The following ADAMTS5 variants were observed in gnomAD, a reference collection of about 807,000 sequenced individuals.
The protein encoded by ADAMTS5 is ADAM metallopeptidase with thrombospondin type 1 motif 5.
In ADAMTS5, 54 loss-of-function variants were observed where a neutral mutation model predicts 81.4. The ratio of observed to expected loss-of-function variants is 0.66; its 90% CI spans 0.53 to 0.83. The LOEUF (loss-of-function observed/expected upper bound fraction) is 0.83. ADAMTS5 is among the 40% of genes least tolerant of loss of function. ADAMTS5 has a pLI of 0.00. For missense variants in ADAMTS5, 1,194 were observed against 1,229.9 expected, an observed-to-expected ratio of 0.97 and a Z score of 0.44; for synonymous variants, 532 against 508.8, an observed-to-expected ratio of 1.05 and a Z score of -0.61.
chr21:26,965,267 C>G (rs1987615556), intron 1 of ADAMTS5, 21 bp downstream of exon 1: 1 of 1,592,504 alleles, frequency 6.3e-7, no homozygotes, highest in Admixed American at 1.7e-5. Flanking sequence ...GCTGGGACCC[C>G]CGCATCCCGG....
Position 26,966,266 on chromosome 21 carries a change from C to T in ADAMTS5, c.126G>A (p.Gln42=). The change falls in exon 1 of 8, where the codon CAG becomes CAA. Residue 42 remains glutamine, a synonymous_variant. Coordinates refer to ENST00000284987, the MANE Select transcript of ADAMTS5 (RefSeq NM_007038.5). ...CCTCCTCCCCCTGCCGCCGGCGGGG[C>T]TGGGCGGCTGCTGCAGCAGTCGGAG... ...GQPPTAAAAA[Q]PRRRQGEEVQ... The T allele has an allele frequency of 6.3e-7, 1 of 1,577,356 alleles. No individual in the cohort carries two copies. Among genetic ancestry groups the T allele is most frequent in the Non-Finnish European group, 8.6e-7 (1 of 1,165,394 alleles).
intron 1 of ADAMTS5, among the ~76,000 whole-genome samples, chr21:26,963,250 T>C (rs1472114221): frequency 6.6e-6 from 1 of 151,970 alleles, no homozygotes; most frequent in Non-Finnish European, 1.5e-5. Context: ...CTATTTAAAA[T>C]ATGCTGTTAA....
chr21:26,933,059 A>G lies in ADAMTS5; in HGVS notation c.1690-15T>C, dbSNP rs2123174202. 1.9e-6 allele frequency: 3 copies of G among 1,599,940 alleles called. No individual in the cohort carries two copies. Among genetic ancestry groups the G allele is most frequent in the African/African-American group, 1.3e-5 (1 of 74,242 alleles). On this transcript the variant is annotated splice_polypyrimidine_tract_variant and intron_variant, in intron 4 of 7. Transcript: ENST00000284987. ...TGGCTTGACGTCTGAAATAGAGAATAGAATATATTTTAACTCCAATGAGAG... is the reference window on the plus strand; with the variant it reads ...TGGCTTGACGTCTGAAATAGAGAATGGAATATATTTTAACTCCAATGAGAG...
rs2123215723 is a variant in ADAMTS5, at chr21:26,966,190, G to C, written c.202C>G (p.Arg68Gly). Residue 68 changes from arginine to glycine, a missense_variant, in exon 1 of 8, where the codon CGC (arginine) becomes GGC (glycine). Physicochemically the swap from Arg to Gly is moderately radical, Grantham distance 125. This residue lies in a region of ADAMTS5 where 498 missense variants were observed against 412.3 expected (regional missense o/e 1.21). Transcript: ENST00000284987. ...TTCTGCACCAGCCCCTTGCTCCTGCGCCGCTGCGCCAGGGGGTGCGGGTGG... is the reference window on the plus strand; with the variant it reads ...TTCTGCACCAGCCCCTTGCTCCTGCCCCGCTGCGCCAGGGGGTGCGGGTGG... ...PGHPHPLAQR[R>G]RSKGLVQNID... is the part of the protein sequence containing the mutation. 6.3e-7 allele frequency: 1 copy of C among 1,599,870 alleles called. No individual in the cohort carries two copies.
In ADAMTS5 at chr21:26,921,721, G is replaced by C. The variant is rs1986701429; in HGVS notation, c.*2332C>G. On this transcript the variant is annotated 3_prime_UTR_variant, in exon 8 of 8. Transcript: ENST00000284987. ...ATCTAGTGAGACTCATAAGAAAAAG[G>C]TGGAGAAAACTACTTAAAAGCATGG... is the stretch of plus-strand genomic sequence containing the variant. 6.6e-6 allele frequency: 1 copy of C among 152,424 alleles called. No individual in the cohort carries two copies. The highest frequency in any genetic ancestry group is 1.5e-5 in the Non-Finnish European group (1 of 67,934). The allele number at this position is 152,424 out of a possible 1,614,324, so 9.4% of individuals were successfully genotyped here.
At position 26,932,911 on chromosome 21, in the gene ADAMTS5, C is replaced by T. The variant is rs1986940194; in HGVS notation, c.1823G>A (p.Gly608Glu). ...APRNNGRYCT[G>E]KRAIYRSCSL... is the part of the protein sequence containing the mutation. ...GCAGGAGCGGTAGATGGCCCTCTTC[C>T]CTGTGCAGTAGCGTCCGTTGTTTCT... is the stretch of plus-strand genomic sequence containing the variant. Residue 608 changes from glycine (G) to glutamate (E), a missense_variant, in exon 5 of 8, where the codon GGG (glycine) becomes GAG (glutamate). Physicochemically the swap from Gly to Glu is moderately conservative, Grantham distance 98 (BLOSUM62 -2). Around this residue, in one of 2 missense-constraint regions of ADAMTS5, gnomAD observed 696 missense variants for 817.6 expected, o/e 0.85. Transcript: ENST00000284987. The T allele has an allele frequency of 1.9e-6, 3 of 1,613,920 alleles. No individual in the cohort carries two copies. The highest frequency in any genetic ancestry group is 2.5e-6 in the Non-Finnish European group (3 of 1,179,940).
chr21:26,918,687 A>G lies in ADAMTS5; in HGVS notation c.*5366T>C, dbSNP rs1986629280. ...AAAGTCACATACAGTATGTTCTTCTATTGTAAATATACTCTCAGTATAGGT... is the reference window on the plus strand; with the variant it reads ...AAAGTCACATACAGTATGTTCTTCTGTTGTAAATATACTCTCAGTATAGGT... On this transcript the variant is annotated 3_prime_UTR_variant, in exon 8 of 8. Transcript: ENST00000284987. 6.6e-6 allele frequency: 1 copy of G among 152,038 alleles called. No homozygotes were observed. Among genetic ancestry groups the G allele is most frequent in the African/African-American group, 2.4e-5 (1 of 41,430 alleles). The allele number at this position is 152,038 out of a possible 1,614,324, so 9.4% of individuals were successfully genotyped here. A position where few individuals can be genotyped will look rare whatever the true frequency, so the allele number is the denominator to read the frequency against.
chr21:26,944,685 A>G (rs372649076), intron 2 of ADAMTS5, among the ~76,000 whole-genome samples: 11 of 152,190 alleles, frequency 7.2e-5, no homozygotes, highest in Non-Finnish European at 1.2e-4. Flanking sequence ...TGATGACTAC[A>G]TTCTCCTTGG....
chr21:26,935,280 C>T (rs983260025), intron 3 of ADAMTS5, among the ~76,000 whole-genome samples: 5 of 152,124 alleles, frequency 3.3e-5, no homozygotes, highest in African/African-American at 1.2e-4. Flanking sequence ...GCCAAGCTGG[C>T]TCCTCATTCA....
At chr21:26,941,387 TA>T (rs1987111252) in intron 3 of ADAMTS5, among the ~76,000 whole-genome samples, 2 of 152,076 alleles carry the variant, frequency 1.3e-5, no homozygotes, top group Admixed American at 1.3e-4. Flanking sequence ...GAAACAGATA[TA>T]AAAATATGTA....
intron 7 of ADAMTS5, among the ~76,000 whole-genome samples, chr21:26,927,861 G>T (rs1986833001): frequency 6.6e-6 from 1 of 152,014 alleles, no homozygotes; most frequent in Non-Finnish European, 1.5e-5. Context: ...GGGGCACCCA[G>T]ATTCTGGAGA....
At chr21:26,937,334 C>T (rs1987032638) in intron 3 of ADAMTS5, among the ~76,000 whole-genome samples, 1 of 152,142 alleles carries the variant, frequency 6.6e-6, no homozygotes, top group South Asian at 2.1e-4. Context: ...TATATCAGCT[C>T]TATAATTTTC....
chr21:26,930,482 A>G (rs936268821), intron 6 of ADAMTS5, among the ~76,000 whole-genome samples: 4 of 152,322 alleles, frequency 2.6e-5, no homozygotes, highest in African/African-American at 9.6e-5. Flanking sequence ...TATAATGACA[A>G]ATTTGAAAAT....
rs1169363791 is a variant in ADAMTS5, at chr21:26,966,055, A to G, written c.337T>C (p.Phe113Leu). Residue 113 changes from phenylalanine (F) to leucine (L), a missense_variant, in exon 1 of 8, where the codon TTC becomes CTC. By Grantham distance (22) the Phe-to-Leu change is conservative. Coordinates refer to ENST00000284987, the MANE Select transcript of ADAMTS5 (RefSeq NM_007038.5). ...CTCGTCCCGCCTCCTGCGGGCACGAAGCCAGCAATGCCCACCGAACCATCT... is the reference window on the plus strand; with the variant it reads ...CTCGTCCCGCCTCCTGCGGGCACGAGGCCAGCAATGCCCACCGAACCATCT... ...ERDGSVGIAG[F>L]VPAGGGTSAP... The G allele has an allele frequency of 1.9e-6, 3 of 1,613,146 alleles. No individual in the cohort carries two copies. The highest frequency in any genetic ancestry group is 1.7e-6 in the Non-Finnish European group (2 of 1,179,962).
intron 7 of ADAMTS5, among the ~76,000 whole-genome samples, chr21:26,928,036 G>T (rs771800047): frequency 6.6e-6 from 1 of 151,814 alleles, no homozygotes; most frequent in Non-Finnish European, 1.5e-5. Flanking sequence ...TTAAGATTAG[G>T]GTCATATTGT....
intron 5 of ADAMTS5, 42 bp from the exon 6 acceptor site, chr21:26,932,221 A>G (rs763223889): frequency 2.9e-5 from 46 of 1,574,676 alleles, no homozygotes; most frequent in Non-Finnish European, 3.9e-5. Context: ...ATCAGTTCTG[A>G]AACTTAGATA....
chr21:26,960,682 T>C (rs980783588), intron 1 of ADAMTS5, among the ~76,000 whole-genome samples: 4 of 152,236 alleles, frequency 2.6e-5, no homozygotes, highest in Non-Finnish European at 4.4e-5. Flanking sequence ...TGAGAAGACA[T>C]ACTTCGGTGG....
At position 26,934,603 on chromosome 21, in the gene ADAMTS5, A is replaced by G; in HGVS notation, c.1552T>C (p.Trp518Arg). 1 of 1,614,132 alleles carries G rather than the reference A, an allele frequency of 6.2e-7. No individual in the cohort carries two copies. The highest frequency in any genetic ancestry group is 8.5e-7 in the Non-Finnish European group (1 of 1,180,032). The change falls in exon 4 of 8, where the codon TGG (tryptophan) becomes CGG (arginine). Residue 518 changes from tryptophan (W) to arginine (R), a missense_variant. Trp to Arg is a moderately radical substitution (Grantham distance 101, BLOSUM62 -3). Coordinates refer to ENST00000284987, the MANE Select transcript of ADAMTS5 (RefSeq NM_007038.5). ...CPGMDVCARLWCAVVRQGQMV... is the reference protein window; with the variant it reads ...CPGMDVCARLRCAVVRQGQMV... ...TGGCCCTGGCGTACCACAGCACACC[A>G]CAGGCGAGCACAGACATCCATGCCG...
In ADAMTS5 at chr21:26,924,055, AAC is replaced by A. The variant is rs866479681; in HGVS notation, c.2789_2790del (p.Cys930LeufsTer18). The A allele has an allele frequency of 6.3e-7, 1 of 1,590,972 alleles. No homozygotes were observed. The highest frequency in any genetic ancestry group is 1.3e-5 in the African/African-American group (1 of 74,640). On this transcript the variant is annotated frameshift_variant, in exon 8 of 8. Coordinates refer to ENST00000284987, the MANE Select transcript of ADAMTS5 (RefSeq NM_007038.5). LOFTEE classifies it high-confidence loss of function. ...SAFKQCLLKK[C>X] is the part of the protein sequence containing the mutation. ...GTGCATAAGATCATAACCACAGGCTAACATTTCTTCAACAAGCATTGCTTAAA... is the reference window on the plus strand; with the variant it reads ...GTGCATAAGATCATAACCACAGGCTAATTTCTTCAACAAGCATTGCTTAAA...
Sources: gnomAD v4.1 joint callset for allele counts (sites outside exome capture counted in the v4.1 genomes callset) on GRCh38, gnomAD v4.1.1 for gene constraint, gnomAD v4.1.1 regional missense constraint, MANE v1.5 for transcripts, NCBI Gene and HGNC (gene_info 2026-07-23, HGNC 2026-07-21) for gene names.